Variants in PKP4 observed in about 807,000 individuals in gnomAD.
The protein encoded by PKP4 is plakophilin-4.
In PKP4, 90 loss-of-function variants were observed where a neutral mutation model predicts 145.1. That is an observed-to-expected ratio of 0.62 (90% CI 0.52 to 0.74). PKP4 has a LOEUF of 0.74. Among genes scored for constraint, PKP4 ranks in the 30% least tolerant of loss-of-function variants. The pLI, the probability that PKP4 is intolerant of heterozygous loss-of-function variation, is 0.00. For missense variants in PKP4, 1,340 were observed against 1,482.7 expected (o/e 0.90, Z 1.58); for synonymous variants, 563 against 577.2 (o/e 0.98, Z 0.35).
intron 11 of PKP4, among the ~76,000 whole-genome samples, chr2:158,650,690 A>T (rs897071503): frequency 6.6e-6 from 1 of 152,170 alleles, no homozygotes; most frequent in Non-Finnish European, 1.5e-5. Context: ...AGACCACCTG[A>T]GCACCCACTT....
rs751333476 is a variant in PKP4, at chr2:158,554,529, C to T, written c.132+21213C>T. On this transcript the variant is annotated intron_variant, in intron 2 of 21. Coordinates refer to ENST00000389759, the MANE Select transcript of PKP4 (RefSeq NM_003628.6). ...CAAGCTCCGCCTTCCAGGTTCACAC[C>T]ATTCTCCTGTCTCAGCCTCCCGAGT... 9.3e-4 allele frequency among the ~76,000 whole-genome samples: 141 copies of T among 151,646 alleles called. 2 individuals are homozygous for T. The highest frequency in any genetic ancestry group is 3.1e-4 in the Non-Finnish European group (21 of 67,938).
In PKP4 at chr2:158,590,316, T is replaced by A. The variant is rs544380558; in HGVS notation, c.246-12754T>A. On this transcript the variant is annotated intron_variant, in intron 3 of 21. Coordinates refer to ENST00000389759, the MANE Select transcript of PKP4 (RefSeq NM_003628.6). ...AATCCAAGGAGGAATGTCTTGAGTGTGTGTGTGTGTGTGTGTGTGTGTGTG... is the reference window on the plus strand; with the variant it reads ...AATCCAAGGAGGAATGTCTTGAGTGAGTGTGTGTGTGTGTGTGTGTGTGTG... Among the ~76,000 whole-genome samples the A allele has an allele frequency of 1.3e-3, 111 of 88,248 alleles. 4 individuals carry two copies. Among genetic ancestry groups the A allele is most frequent in the East Asian group, 5.9e-3 (26 of 4,378 alleles). 57.9% of individuals were successfully genotyped at this position (88,248 alleles called of 152,430 possible). A position where few individuals can be genotyped will look rare whatever the true frequency, so the allele number is the denominator to read the frequency against.
At chr2:158,664,617 C>T (rs996368680) in intron 15 of PKP4, among the ~76,000 whole-genome samples, 3 of 152,258 alleles carry the variant, frequency 2.0e-5, no homozygotes, top group East Asian at 1.9e-4. Context: ...GTTTCGTGCA[C>T]GTGGCCACTA....
intron 3 of PKP4, among the ~76,000 whole-genome samples, chr2:158,600,879 A>G (rs910517712): frequency 1.3e-5 from 2 of 152,148 alleles, no homozygotes; most frequent in African/African-American, 2.4e-5. Context: ...GAGGCTTCCC[A>G]TTGCCTTCAC....
chr2:158,493,339 C>T (rs77474371), intron 1 of PKP4, among the ~76,000 whole-genome samples: 29,940 of 152,072 alleles, frequency 0.2, 3,789 homozygotes, highest in Middle Eastern at 0.34. Flanking sequence ...AGTTTCTCAT[C>T]GTTTTTTAAA....
chr2:158,489,880 A>G (rs1490249929), intron 1 of PKP4, among the ~76,000 whole-genome samples: 2 of 152,164 alleles, frequency 1.3e-5, no homozygotes, highest in Non-Finnish European at 2.9e-5. Flanking sequence ...GGATTCCTCA[A>G]GTGTGGCCCT....
rs935899319 is a variant in PKP4, at chr2:158,672,149, G to A, written c.2925-1528G>A. On this transcript the variant is annotated intron_variant, in intron 17 of 21. Transcript: ENST00000389759. ...TTATCCGTGAAGCTACTGACTTAGA[G>A]CAGCAGCTCCCAAGGTGAAATACAG... is the stretch of plus-strand genomic sequence containing the variant. 2.6e-5 allele frequency among the ~76,000 whole-genome samples: 4 copies of A among 152,332 alleles called. No homozygotes were observed. In the East Asian group the frequency reaches 7.7e-4, roughly 29 times the overall value.
chr2:158,661,493 C>A (rs751083144), intron 13 of PKP4, 43 bp downstream of exon 13: 16 of 1,236,756 alleles, frequency 1.3e-5, no homozygotes, highest in Non-Finnish European at 1.8e-5. Context: ...TGGCAGGTGA[C>A]CATGATGCCT....
chr2:158,648,708 A>C (rs1574958069), intron 11 of PKP4, among the ~76,000 whole-genome samples: 1 of 152,180 alleles, frequency 6.6e-6, no homozygotes, highest in African/African-American at 2.4e-5. Flanking sequence ...GGTCCACTTT[A>C]TAAAACATAG....
intron 9 of PKP4, among the ~76,000 whole-genome samples, chr2:158,639,892 G>A (rs2054132464): frequency 6.6e-6 from 1 of 152,114 alleles, no homozygotes; most frequent in East Asian, 1.9e-4. Context: ...CTCTAAGGTT[G>A]CCGTAAGAAT....
chr2:158,510,236 A>G (rs757615284), intron 1 of PKP4, among the ~76,000 whole-genome samples: 2 of 152,236 alleles, frequency 1.3e-5, no homozygotes, highest in African/African-American at 2.4e-5. Flanking sequence ...CTAATATATT[A>G]AACATTTTTC....
intron 3 of PKP4, among the ~76,000 whole-genome samples, chr2:158,581,241 C>T (rs1045014099): frequency 2.6e-5 from 4 of 152,100 alleles, no homozygotes; most frequent in Non-Finnish European, 5.9e-5. Flanking sequence ...TAAAAAATAA[C>T]AATTAAAAGT....
chr2:158,557,619 T>C (rs2105725917), intron 2 of PKP4, among the ~76,000 whole-genome samples: 1 of 152,340 alleles, frequency 6.6e-6, no homozygotes. Context: ...TTTTTACCTG[T>C]TGTTTGATAT....
At chr2:158,500,068 G>T (rs1171006158) in intron 1 of PKP4, among the ~76,000 whole-genome samples, 4 of 152,196 alleles carry the variant, frequency 2.6e-5, no homozygotes, top group Admixed American at 2.0e-4. Flanking sequence ...GCACTTTTAT[G>T]GACAGTATAT....
intron 11 of PKP4, 129 bp downstream of exon 11, chr2:158,642,828 C>A: frequency 1.8e-6 from 1 of 547,018 alleles, no homozygotes; most frequent in Non-Finnish European, 3.1e-6. Context: ...ATAGTGCTCA[C>A]AACTGTGAAG....
At chr2:158,583,821 C>CT (rs1454652744) in intron 3 of PKP4, among the ~76,000 whole-genome samples, 2 of 152,022 alleles carry the variant, frequency 1.3e-5, no homozygotes, top group Non-Finnish European at 2.9e-5. Context: ...TTTAAACAAT[C>CT]TTTTTTTAAT....
chr2:158,541,677 A>G (rs1265137270), intron 2 of PKP4, among the ~76,000 whole-genome samples: 3 of 152,184 alleles, frequency 2.0e-5, no homozygotes. Context: ...TCTTGAAAGA[A>G]AATTTAATTT....
intron 8 of PKP4, 39 bp from the exon 9 acceptor site, chr2:158,634,031 G>C: frequency 8.8e-7 from 1 of 1,130,818 alleles, no homozygotes; most frequent in East Asian, 2.4e-5. Flanking sequence ...TGATCTCATG[G>C]AGAACATACT....
intron 1 of PKP4, among the ~76,000 whole-genome samples, chr2:158,485,886 A>G (rs1486678467): frequency 2.6e-5 from 4 of 152,248 alleles, no homozygotes; most frequent in Non-Finnish European, 5.9e-5. Context: ...ACATTGGCAT[A>G]TGTAATCTAA....
Sources: gnomAD v4.1 joint callset for allele counts (sites outside exome capture counted in the v4.1 genomes callset) on GRCh38, gnomAD v4.1.1 for gene constraint, MANE v1.5 for transcripts, NCBI Gene and HGNC (gene_info 2026-07-23, HGNC 2026-07-21) for gene names.